The following RBPJ variants were observed in gnomAD, a reference collection of about 807,000 sequenced individuals.
RBPJ encodes the protein recombination signal binding protein for immunoglobulin kappa J region, also known as recombining binding protein suppressor of hairless.
RBPJ carries 9 observed loss-of-function variants against 67.8 expected under a neutral mutation model. The observed-to-expected ratio is 0.13, with a 90% CI of 0.08 to 0.23. The LOEUF (loss-of-function observed/expected upper bound fraction) is 0.23. Among genes scored for constraint, RBPJ ranks in the 10% least tolerant of loss-of-function variants. The pLI, the probability that RBPJ is intolerant of heterozygous loss-of-function variation, is 1.00. For missense variants in RBPJ, 305 were observed against 595.6 expected, an observed-to-expected ratio of 0.51 and a Z score of 5.08; for synonymous variants, 198 against 203.3, an observed-to-expected ratio of 0.97 and a Z score of 0.22.
chr4:26,140,847 A>AAATG, the RBPJ span, among the ~76,000 whole-genome samples: 7 of 150,592 alleles, frequency 4.6e-5, no homozygotes, highest in Admixed American at 2.0e-4. Context: ...ATAAATAAAT[A>AAATG]AATAAATAAA....
At chr4:26,325,655 G>C (rs1196467039) in intron 1 of RBPJ, among the ~76,000 whole-genome samples, 1 of 152,218 alleles carries the variant, frequency 6.6e-6, no homozygotes, top group Admixed American at 6.5e-5. Flanking sequence ...AAAGATGTTA[G>C]CTACTGTGGC....
Position 26,241,211 on chromosome 4 carries a change from A to T in RBPJ, c.-167+77597A>T, listed in dbSNP as rs1054059768. 2.8e-4 allele frequency among the ~76,000 whole-genome samples: 43 copies of T among 151,784 alleles called. No individual in the cohort carries two copies. In the East Asian group the frequency reaches 4.1e-3, roughly 14 times the overall value. On this transcript the variant is annotated intron_variant, in intron 1 of 4. Transcript: ENST00000512351. ...GACCCTGTCTCCAAAAATAAAAAAAAAAAAAAAAAAATTGAGCACTTTCCA... is the reference window on the plus strand; with the variant it reads ...GACCCTGTCTCCAAAAATAAAAAAATAAAAAAAAAAATTGAGCACTTTCCA...
At chr4:26,397,218 G>A (rs1024609775) in intron 2 of RBPJ, among the ~76,000 whole-genome samples, 4 of 152,142 alleles carry the variant, frequency 2.6e-5, no homozygotes, top group African/African-American at 9.7e-5. Flanking sequence ...GTATTGTGGA[G>A]CTCACTTTGA....
At chr4:26,338,473 C>G (rs528411723) in intron 1 of RBPJ, among the ~76,000 whole-genome samples, 227 of 150,642 alleles carry the variant, frequency 1.5e-3, no homozygotes, top group Non-Finnish European at 3.0e-3. Context: ...TATTTTTCTT[C>G]CATGTGCTCT....
At chr4:26,394,487 A>C (rs1731902187) in intron 2 of RBPJ, among the ~76,000 whole-genome samples, 1 of 151,942 alleles carries the variant, frequency 6.6e-6, no homozygotes, top group African/African-American at 2.4e-5. Context: ...AAAAAAAACC[A>C]AATAGAATAA....
At chr4:26,210,354 G>T (rs953975961) in intron 1 of RBPJ, among the ~76,000 whole-genome samples, 1 of 152,164 alleles carries the variant, frequency 6.6e-6, no homozygotes, top group Non-Finnish European at 1.5e-5. Flanking sequence ...TTGAGGGAGG[G>T]AGAAGAGGTT....
rs71186404 is a variant in RBPJ at position 26,343,739 on chromosome 4, C to CTTTTTTTTT, written c.20+22711_20+22719dup. Among the ~76,000 whole-genome samples, 68 of 55,836 alleles carry CTTTTTTTTT rather than the reference C, an allele frequency of 1.2e-3. 1 individual carries two copies. The highest frequency in any genetic ancestry group is 3.2e-3 in the African/African-American group (38 of 11,998). The allele number at this position is 55,836 out of a possible 152,430, so 36.6% of individuals were successfully genotyped here. A position where few individuals can be genotyped will look rare whatever the true frequency, so the allele number is the denominator to read the frequency against. Reference sequence around the variant, plus strand: ...ATTTTTTTGTACTTCTTTCTTTCTTCTTTTTTTTTTTTTTTTTTTTTTTTT... The same window carrying CTTTTTTTTT: ...ATTTTTTTGTACTTCTTTCTTTCTTCTTTTTTTTTTTTTTTTTTTTTTTTTTTTTTTTTT... On this transcript the variant is annotated intron_variant, in intron 1 of 10. Coordinates refer to ENST00000355476, the MANE Select transcript of RBPJ (RefSeq NM_015874.6).
upstream of RBPJ, chr4:26,320,531 A>T: frequency 2.0e-6 from 1 of 509,218 alleles, no homozygotes; most frequent in Admixed American, 3.7e-5. Context: ...ATAGCTGGGA[A>T]CCCAGAGTGA....
At chr4:26,312,493 C>A (rs186116752) in intron 1 of RBPJ, among the ~76,000 whole-genome samples, 64 of 152,288 alleles carry the variant, frequency 4.2e-4, no homozygotes, top group Admixed American at 4.2e-3. Flanking sequence ...ATCAACCCCC[C>A]ACCTGGAGTT....
chr4:26,286,935 C>T (rs1721486902), intron 1 of RBPJ, among the ~76,000 whole-genome samples: 1 of 152,032 alleles, frequency 6.6e-6, no homozygotes, highest in South Asian at 2.1e-4. Flanking sequence ...CACGGGGATG[C>T]ACCACCACGC....
At chr4:26,353,560 A>G (rs1427246480) in intron 1 of RBPJ, among the ~76,000 whole-genome samples, 1 of 152,144 alleles carries the variant, frequency 6.6e-6, no homozygotes, top group Non-Finnish European at 1.5e-5. Flanking sequence ...TTATACTTCA[A>G]ATATACTAAT....
At chr4:26,173,704 A>G (rs1441551671) in intron 1 of RBPJ, among the ~76,000 whole-genome samples, 2 of 152,190 alleles carry the variant, frequency 1.3e-5, no homozygotes, top group African/African-American at 4.8e-5. Flanking sequence ...TTTGTAATGC[A>G]TTTCTTTGGG....
At chr4:26,232,266 G>A (rs1342870759) in intron 1 of RBPJ, among the ~76,000 whole-genome samples, 1 of 151,932 alleles carries the variant, frequency 6.6e-6, no homozygotes, top group Non-Finnish European at 1.5e-5. Context: ...TAAGTTCAGG[G>A]GCACATGTGC....
chr4:26,269,274 G>T (rs1720803529), intron 1 of RBPJ, among the ~76,000 whole-genome samples: 1 of 144,514 alleles, frequency 6.9e-6, no homozygotes, highest in Non-Finnish European at 1.5e-5. Flanking sequence ...TTATTTTTTT[G>T]ACACAGGGTC....
intron 1 of RBPJ, among the ~76,000 whole-genome samples, chr4:26,325,069 T>C (rs951983084): frequency 2.6e-5 from 4 of 152,206 alleles, no homozygotes; most frequent in Non-Finnish European, 5.9e-5. Flanking sequence ...ATGAAACCTG[T>C]TGCTTCTCTG....
intron 1 of RBPJ, among the ~76,000 whole-genome samples, chr4:26,189,780 T>C (rs564851758): frequency 6.6e-6 from 1 of 152,384 alleles, no homozygotes; most frequent in Non-Finnish European, 1.5e-5. Context: ...GTAGGTTTTA[T>C]CATGGAAATC....
rs1285255670 is a variant in RBPJ, at chr4:26,220,255, T to C, written c.-167+56641T>C. On this transcript the variant is annotated intron_variant, in intron 1 of 4. Transcript: ENST00000512351. ...TGACTACCTGGAGCATAGAAATTTATATTGTACCTGCAAAGATGTATGTGT... is the reference window on the plus strand; with the variant it reads ...TGACTACCTGGAGCATAGAAATTTACATTGTACCTGCAAAGATGTATGTGT... Among the ~76,000 whole-genome samples, 4 of 152,340 alleles carry C rather than the reference T, an allele frequency of 2.6e-5. No homozygotes were observed. The South Asian group carries it at 8.3e-4, about 32-fold the overall frequency.
the RBPJ span, among the ~76,000 whole-genome samples, chr4:26,108,193 T>C: frequency 2.0e-5 from 3 of 152,150 alleles, no homozygotes; most frequent in Non-Finnish European, 4.4e-5. Flanking sequence ...AGAGGGTTTA[T>C]TTGGATCAAA....
chr4:26,404,386 T>C (rs1481480922), intron 2 of RBPJ, among the ~76,000 whole-genome samples: 1 of 152,224 alleles, frequency 6.6e-6, no homozygotes, highest in Non-Finnish European at 1.5e-5. Flanking sequence ...TTACCACTTT[T>C]ATCATCACCT....
Sources: allele counts gnomAD v4.1 joint callset (sites outside exome capture counted in the v4.1 genomes callset), GRCh38; gene constraint gnomAD v4.1.1; transcripts MANE v1.5; gene names NCBI Gene and HGNC (gene_info 2026-07-23, HGNC 2026-07-21).